Variants in LRRC37B observed in about 807,000 individuals in gnomAD.
LRRC37B encodes the protein leucine-rich repeat-containing protein 37B.
In LRRC37B, 28 loss-of-function variants were observed where a neutral mutation model predicts 98.3. The observed-to-expected ratio is 0.28, with a 90% confidence interval of 0.21 to 0.39. The LOEUF is 0.39. Ranked by LOEUF, LRRC37B falls within the 10% of genes least tolerant of loss-of-function variation. The probability of loss-of-function intolerance (pLI) is 1.00; values close to 1 mark genes in which losing one functional copy is unlikely to be tolerated. For synonymous variants in LRRC37B, 364 were observed against 442.7 expected (o/e 0.82, Z 2.23); for missense variants, 938 against 1,182.7 (o/e 0.79, Z 3.03).
upstream of LRRC37B, among the ~76,000 whole-genome samples, chr17:32,017,812 C>CA (rs534033163): frequency 1.3e-5 from 2 of 152,022 alleles, no homozygotes; most frequent in South Asian, 2.1e-4. Flanking sequence ...AGAAAACAAA[C>CA]AAAAAAACGA....
chr17:32,035,449 T>C (rs1174969722), intron 6 of LRRC37B, 116 bp from the exon 10 acceptor site: 2 of 1,106,888 alleles, frequency 1.8e-6, no homozygotes, highest in Middle Eastern at 2.1e-4. Context: ...ACTATTGAAG[T>C]GGCTTGTTTT....
At chr17:32,042,019 G>A (rs966501982) in intron 7 of LRRC37B, 16 of 355,530 alleles carry the variant, frequency 4.5e-5, no homozygotes, top group South Asian at 3.3e-4. Flanking sequence ...CCTGCTCCTG[G>A]CGATGAACCC....
chr17:32,029,316 C>T (rs1231761061), intron 3 of LRRC37B, among the ~76,000 whole-genome samples: 1 of 152,126 alleles, frequency 6.6e-6, no homozygotes, highest in Non-Finnish European at 1.5e-5. Context: ...ATTTGTTTTA[C>T]AAATATTTTA....
intron 7 of LRRC37B, among the ~76,000 whole-genome samples, chr17:32,038,761 G>A (rs566798800): frequency 6.6e-6 from 1 of 152,210 alleles, no homozygotes; most frequent in African/African-American, 2.4e-5. Flanking sequence ...AGGAGGCTGA[G>A]GCACAAGAAG....
exon 1 of LRRC37B, chr17:32,022,418 C>T: frequency 6.2e-7 from 1 of 1,613,446 alleles, no homozygotes; most frequent in African/African-American, 1.3e-5. Flanking sequence ...TGGAGCTTAG[C>T]ATAACTACAG....
chr17:32,039,025 G>T (rs554754533), intron 7 of LRRC37B, among the ~76,000 whole-genome samples: 2 of 152,158 alleles, frequency 1.3e-5, no homozygotes, highest in East Asian at 3.9e-4. Context: ...AAGTGGAAAA[G>T]ATTTACTCTA....
At chr17:32,019,166 A>G (rs1468346705), upstream of LRRC37B, among the ~76,000 whole-genome samples, 1 of 152,128 alleles carries the variant, frequency 6.6e-6, no homozygotes, top group Non-Finnish European at 1.5e-5. Context: ...ACCTCAGGTG[A>G]TCCACCCACC....
chr17:32,041,455 A>G (rs1290589295), intron 7 of LRRC37B: 1 of 700,804 alleles, frequency 1.4e-6, no homozygotes, highest in South Asian at 1.4e-5. Context: ...AACTGGTACC[A>G]GGGCATGCTG....
intron 2 of LRRC37B, among the ~76,000 whole-genome samples, chr17:32,026,410 G>C (rs1285237817): frequency 6.6e-6 from 1 of 152,154 alleles, no homozygotes; most frequent in East Asian, 1.9e-4. Context: ...ATCTACTTGG[G>C]AAGCTGAGGC....
chr17:32,010,697 C>T (rs1296588376), intron 1 of LRRC37B, among the ~76,000 whole-genome samples: 1 of 152,132 alleles, frequency 6.6e-6, no homozygotes, highest in African/African-American at 2.4e-5. Context: ...TTATTGTTGA[C>T]TCTAGTTACC....
At position 32,021,469 on chromosome 17, in the gene LRRC37B, C is replaced by T. The variant is rs531165401; in HGVS notation, c.404C>T (p.Pro135Leu). The T allele has an allele frequency of 2.5e-6, 4 of 1,614,174 alleles. No homozygotes were observed. Among genetic ancestry groups the T allele is most frequent in the Admixed American group, 3.3e-5 (2 of 60,034 alleles). Residue 135 changes from proline (P) to leucine (L), a missense_variant, in exon 1 of 12, where the codon CCC (proline) becomes CTC (leucine). By Grantham distance (98) the Pro-to-Leu change is moderately conservative. Transcript: ENST00000327564. ...GAATTGGATTCAGCTGGAGAGCTGCCCCTGGGGCCAGAGCCGTTCTTGGCT... is the reference window on the plus strand; with the variant it reads ...GAATTGGATTCAGCTGGAGAGCTGCTCCTGGGGCCAGAGCCGTTCTTGGCT...
chr17:32,046,426 G>A (rs1295495675), intron 8 of LRRC37B, among the ~76,000 whole-genome samples: 3 of 152,252 alleles, frequency 2.0e-5, no homozygotes, highest in Admixed American at 6.5e-5. Context: ...AAATGCTCAA[G>A]TTTTTTCAAG....
At chr17:32,025,030 G>GTCT (rs1555535201) in intron 2 of LRRC37B, among the ~76,000 whole-genome samples, 1 of 69,918 alleles carries the variant, frequency 1.4e-5, no homozygotes, top group African/African-American at 5.4e-5. Context: ...TTTTTTCCTC[G>GTCT]TTTTTTTTTT....
chr17:32,047,373 C>T (rs1262696465), intron 8 of LRRC37B: 2 of 263,172 alleles, frequency 7.6e-6, no homozygotes, highest in African/African-American at 2.2e-5. Context: ...GAGCCTTGTG[C>T]TCTCTCTGCA....
Position 32,042,360 on chromosome 17 carries a change from A to C in LRRC37B, c.2205-3340A>C, listed in dbSNP as rs578126313. The C allele has an allele frequency of 1.2e-3, 202 of 169,472 alleles. 2 individuals carry two copies. In the East Asian group the frequency reaches 0.019, roughly 16 times the overall value. 10.5% of individuals were successfully genotyped at this position (169,472 alleles called of 1,614,324 possible). On this transcript the variant is annotated intron_variant, in intron 7 of 11. Transcript: ENST00000327564. ...CCAGCCACCTACACACCCCCCCAGC[A>C]CACCTCGCACGGGACCACAGCCCCA...
At chr17:32,047,731 T>C (rs1202705477) in intron 8 of LRRC37B, 30 bp from the exon 12 acceptor site, 6 of 1,613,984 alleles carry the variant, frequency 3.7e-6, no homozygotes, top group South Asian at 1.1e-5. Context: ...AGATATTTCA[T>C]GATCAAAGCA....
chr17:32,016,950 C>T (rs1243346730), upstream of LRRC37B: 2 of 152,080 alleles, frequency 1.3e-5, no homozygotes, highest in African/African-American at 4.8e-5. Context: ...CAATGAGTAG[C>T]AAAATTTGAA....
chr17:32,023,765 T>A (rs1432042702), intron 1 of LRRC37B, among the ~76,000 whole-genome samples: 1 of 152,220 alleles, frequency 6.6e-6, no homozygotes, highest in African/African-American at 2.4e-5. Context: ...GCTTTTTATA[T>A]GTAGCACTCA....
chr17:32,023,910 T>C (rs1022745836), intron 1 of LRRC37B, among the ~76,000 whole-genome samples: 3 of 152,144 alleles, frequency 2.0e-5, no homozygotes, highest in African/African-American at 7.2e-5. Flanking sequence ...CCATCGGTGC[T>C]AGAATTTACC....
Sources: gnomAD v4.1 joint callset for allele counts (sites outside exome capture counted in the v4.1 genomes callset) on GRCh38, gnomAD v4.1.1 for gene constraint, MANE v1.5 for transcripts, NCBI Gene and HGNC (gene_info 2026-07-23, HGNC 2026-07-21) for gene names.